Variants in SNX29 observed in about 807,000 individuals in gnomAD.
The protein encoded by SNX29 is sorting nexin 29, also known as sorting nexin-29.
In SNX29, 78 loss-of-function variants were observed where a neutral mutation model predicts 102.1. That is an observed-to-expected ratio of 0.76 (90% CI 0.64 to 0.92). SNX29 has a LOEUF of 0.92. SNX29 is among the 40% of genes least tolerant of loss of function. The pLI is 0.00. For missense variants in SNX29, 1,280 were observed against 1,061.7 expected, an observed-to-expected ratio of 1.21 and a Z score of -2.86; for synonymous variants, 580 against 414.5, an observed-to-expected ratio of 1.40 and a Z score of -4.85.
At chr16:12,208,564 A>G (rs2077104325) in intron 14 of SNX29, among the ~76,000 whole-genome samples, 1 of 152,108 alleles carries the variant, frequency 6.6e-6, no homozygotes, top group South Asian at 2.1e-4. Context: ...CTGAGTCAGG[A>G]TGATTGCTTG....
intron 13 of SNX29, among the ~76,000 whole-genome samples, chr16:12,160,582 T>G (rs1829733448): frequency 6.6e-6 from 1 of 152,194 alleles, no homozygotes; most frequent in South Asian, 2.1e-4. Context: ...TGGGAGTGAC[T>G]GCTAATGGAT....
Position 12,568,606 on chromosome 16 carries a change from G to T in SNX29, c.2419G>T (p.Glu807Ter). 1.9e-6 allele frequency: 3 copies of T among 1,604,760 alleles called. No homozygotes were observed. The highest frequency in any genetic ancestry group is 2.5e-6 in the Non-Finnish European group (3 of 1,179,824). ...TCAGCCCCGGGAGACCCGCAACGTG[G>T]AGCCCCAGAGCGGTGACCTCTGACC... is the stretch of plus-strand genomic sequence containing the variant. ...RGQPRETRNV[E>*]PQSGDL The change falls in exon 21 of 21, where the codon GAG (glutamate) becomes TAG (stop). Residue 807 changes from glutamate (E) to a stop codon, truncating the protein, a stop_gained. Coordinates refer to ENST00000566228, the MANE Select transcript of SNX29 (RefSeq NM_032167.5). LOFTEE classifies it high-confidence loss of function.
At chr16:12,155,028 C>G (rs1487383666) in intron 13 of SNX29, among the ~76,000 whole-genome samples, 1 of 152,146 alleles carries the variant, frequency 6.6e-6, no homozygotes, top group Non-Finnish European at 1.5e-5. Context: ...GTCACGGGAA[C>G]AAGGCTTGGC....
intron 16 of SNX29, among the ~76,000 whole-genome samples, chr16:12,382,698 A>G (rs1234495114): frequency 6.6e-6 from 1 of 152,198 alleles, no homozygotes; most frequent in African/African-American, 2.4e-5. Context: ...TCACGGTGCC[A>G]GCAGTGGCAG....
intron 16 of SNX29, among the ~76,000 whole-genome samples, chr16:12,394,242 A>T (rs1248140248): frequency 7.2e-5 from 11 of 152,252 alleles, no homozygotes; most frequent in Non-Finnish European, 1.6e-4. Flanking sequence ...AGGTCCGTTT[A>T]CCAGCTAAGG....
intron 13 of SNX29, among the ~76,000 whole-genome samples, chr16:12,149,468 A>T (rs1054373948): frequency 2.0e-5 from 3 of 152,114 alleles, no homozygotes; most frequent in Admixed American, 1.3e-4. Flanking sequence ...AGGAAAATTC[A>T]CTTGTTTTGT....
chr16:12,059,842 A>T (rs892137515), intron 8 of SNX29, among the ~76,000 whole-genome samples: 1 of 152,116 alleles, frequency 6.6e-6, no homozygotes, highest in South Asian at 2.1e-4. Context: ...GCAGGAGACG[A>T]CTCGGTGCAC....
intron 3 of SNX29, among the ~76,000 whole-genome samples, chr16:12,014,719 T>C (rs2056789384): frequency 8.4e-6 from 1 of 119,438 alleles, no homozygotes; most frequent in Admixed American, 1.0e-4. Flanking sequence ...GCAACAAGAA[T>C]GAAGCTCCGT....
chr16:12,241,130 G>C (rs1044340911), intron 14 of SNX29, among the ~76,000 whole-genome samples: 1 of 151,990 alleles, frequency 6.6e-6, no homozygotes, highest in African/African-American at 2.4e-5. Context: ...TTTAAACCTC[G>C]ATTCCAGTAG....
Position 12,288,474 on chromosome 16 carries a change from C to T in SNX29, c.1782+10438C>T, listed in dbSNP as rs553247684. ...GGTCACCCTGCTCTGCAGCAGCAGTCCCGGAGCTGTAACTCCACTGGAGCT... is the reference window on the plus strand; with the variant it reads ...GGTCACCCTGCTCTGCAGCAGCAGTTCCGGAGCTGTAACTCCACTGGAGCT... On this transcript the variant is annotated intron_variant, in intron 15 of 20. Transcript: ENST00000566228. Among the ~76,000 whole-genome samples the T allele has an allele frequency of 2.0e-4, 31 of 152,282 alleles. No individual in the cohort carries two copies. In the South Asian group the frequency reaches 2.3e-3, roughly 11 times the overall value.
chr16:12,481,465 TACACATATATAC>T (rs1293026188), intron 19 of SNX29, among the ~76,000 whole-genome samples: 18 of 102,576 alleles, frequency 1.8e-4, no homozygotes, highest in African/African-American at 4.7e-4. Flanking sequence ...CATATATATA[TACACATATATAC>T]ACACATATAT....
rs1426569124 is a variant in SNX29, at chr16:12,569,370, G to T, written c.*741G>T. On this transcript the variant is annotated 3_prime_UTR_variant, in exon 21 of 21. Transcript: ENST00000566228. ...GCCCTCGCCAGGCTTGGAGTGGGGG[G>T]ACTCAGACATCTGGCCCAGCCATCA... is the stretch of plus-strand genomic sequence containing the variant. 4 of 230,488 alleles carry T rather than the reference G, an allele frequency of 1.7e-5. No individual in the cohort carries two copies. The highest frequency in any genetic ancestry group is 1.8e-4 in the South Asian group (1 of 5,494). The allele number at this position is 230,488 out of a possible 1,614,324, so 14.3% of individuals were successfully genotyped here.
At chr16:12,288,502 G>C (rs2079678963) in intron 15 of SNX29, among the ~76,000 whole-genome samples, 1 of 152,076 alleles carries the variant, frequency 6.6e-6, no homozygotes, top group African/African-American at 2.4e-5. Context: ...CTGGAGCTGT[G>C]ACACCGCCAC....
At chr16:12,127,251 T>C (rs2054253539) in intron 12 of SNX29, among the ~76,000 whole-genome samples, 2 of 149,504 alleles carry the variant, frequency 1.3e-5, no homozygotes, top group African/African-American at 2.5e-5. Flanking sequence ...AGAGCGAGCC[T>C]CTGTCTCAAA....
intron 13 of SNX29, among the ~76,000 whole-genome samples, chr16:12,146,222 T>A: frequency 6.6e-6 from 1 of 152,198 alleles, no homozygotes; most frequent in East Asian, 1.9e-4. Context: ...CTTTCCTTAA[T>A]GTGTATTTCC....
intron 15 of SNX29, among the ~76,000 whole-genome samples, chr16:12,330,919 T>C (rs750267806): frequency 8.5e-5 from 13 of 152,258 alleles, no homozygotes; most frequent in South Asian, 4.1e-4. Flanking sequence ...CAGAATGTGG[T>C]TGGCCACTCC....
intron 14 of SNX29, among the ~76,000 whole-genome samples, chr16:12,263,927 C>T (rs1043386784): frequency 6.6e-6 from 1 of 152,184 alleles, no homozygotes; most frequent in Non-Finnish European, 1.5e-5. Flanking sequence ...GGTAGACGGT[C>T]AAGGTCATGA....
rs1418485498 is a variant in SNX29, at chr16:12,571,697, C to G, written c.*3068C>G. On this transcript the variant is annotated 3_prime_UTR_variant, in exon 21 of 21. Transcript: ENST00000566228. ...AGAGGTGTCTCTCCTTGAGAGACAA[C>G]AAAAGCTTCTAAGGGAGGGAGCTTA... 2.8e-6 allele frequency: 3 copies of G among 1,059,836 alleles called. No individual in the cohort carries two copies. Among genetic ancestry groups the G allele is most frequent in the East Asian group, 1.0e-4 (2 of 19,524 alleles). 65.7% of individuals were successfully genotyped at this position (1,059,836 alleles called of 1,614,324 possible).
chr16:12,186,958 G>T (rs144378902), intron 13 of SNX29, among the ~76,000 whole-genome samples: 2 of 152,338 alleles, frequency 1.3e-5, no homozygotes, highest in East Asian at 3.9e-4. Context: ...CTCAGTGGCC[G>T]GGGCTGACTG....
Sources: gnomAD v4.1 joint callset for allele counts (sites outside exome capture counted in the v4.1 genomes callset) on GRCh38, gnomAD v4.1.1 for gene constraint, MANE v1.5 for transcripts, NCBI Gene and HGNC (gene_info 2026-07-23, HGNC 2026-07-21) for gene names.